TRAPPC10: variants seen among roughly 807,000 people sequenced by gnomAD.
The protein encoded by TRAPPC10 is trafficking protein particle complex subunit 10.
Under a neutral mutation model 125.5 loss-of-function variants are expected in TRAPPC10, and 23 were observed. The observed-to-expected ratio is 0.18, with a 90% CI of 0.13 to 0.26. TRAPPC10 has a LOEUF of 0.26. Among genes scored for constraint, TRAPPC10 ranks in the 10% least tolerant of loss-of-function variants. TRAPPC10 has a pLI of 1.00. For missense variants in TRAPPC10, 1,123 were observed against 1,308.4 expected (o/e 0.86, Z 2.19); for synonymous variants, 509 against 518.0 (o/e 0.98, Z 0.24).
At chr21:44,095,233 A>T (rs1005985842) in intron 20 of TRAPPC10, among the ~76,000 whole-genome samples, 1 of 146,790 alleles carries the variant, frequency 6.8e-6, no homozygotes, top group African/African-American at 2.5e-5. Context: ...ATTTTATTTT[A>T]TTTATTTATT....
chr21:44,040,213 A>G (rs748336028), intron 3 of TRAPPC10, among the ~76,000 whole-genome samples: 32 of 152,212 alleles, frequency 2.1e-4, no homozygotes, highest in Non-Finnish European at 4.4e-5. Flanking sequence ...TAAGTTTATA[A>G]GTTCCCATAT....
At chr21:44,055,098 A>C (rs1051511168) in intron 4 of TRAPPC10, among the ~76,000 whole-genome samples, 2 of 152,178 alleles carry the variant, frequency 1.3e-5, no homozygotes, top group African/African-American at 4.8e-5. Context: ...AGGCGTGATC[A>C]CATTATTTTA....
intron 3 of TRAPPC10, among the ~76,000 whole-genome samples, chr21:44,041,017 A>C (rs760355670): frequency 6.6e-6 from 1 of 152,124 alleles, no homozygotes; most frequent in Non-Finnish European, 1.5e-5. Flanking sequence ...CTATCACTTG[A>C]ATTTTATTTA....
chr21:44,070,878 T>G (rs2036817050), intron 7 of TRAPPC10, among the ~76,000 whole-genome samples: 1 of 152,190 alleles, frequency 6.6e-6, no homozygotes, highest in South Asian at 2.1e-4. Flanking sequence ...CCTGGCGCAC[T>G]TGGGCCTGGG....
At chr21:44,091,565 G>A (rs927626686) in intron 18 of TRAPPC10, among the ~76,000 whole-genome samples, 5 of 152,018 alleles carry the variant, frequency 3.3e-5, no homozygotes, top group Non-Finnish European at 5.9e-5. Context: ...TCAGCCTCCC[G>A]AGCAGCTGGG....
In TRAPPC10 at chr21:44,080,081, C is replaced by T. The variant is rs759462576; in HGVS notation, c.1677C>T (p.Phe559=). 6.2e-7 allele frequency: 1 copy of T among 1,614,206 alleles called. No homozygotes were observed. The highest frequency in any genetic ancestry group is 2.2e-5 in the East Asian group (1 of 44,888). ...TCACTGAAGAGGAGCGCAAGCACTT[C>T]TGCCAGGAGATACTTGACTTTGCCA... ...HHLTEEERKH[F]CQEILDFASQ... Residue 559 remains phenylalanine, a synonymous_variant, in exon 13 of 23, where the codon TTC becomes TTT. Coordinates refer to ENST00000291574, the MANE Select transcript of TRAPPC10 (RefSeq NM_003274.5).
At chr21:44,074,178 G>A in intron 7 of TRAPPC10, 146 bp from the exon 8 acceptor site, 1 of 894,750 alleles carries the variant, frequency 1.1e-6, no homozygotes, top group Non-Finnish European at 1.7e-6. Context: ...TCTCTCTCCT[G>A]TAGCTCTGCA....
At position 44,052,414 on chromosome 21, in the gene TRAPPC10, C is replaced by T; in HGVS notation, c.420C>T (p.Ile140=). 1 of 1,613,758 alleles carries T rather than the reference C, an allele frequency of 6.2e-7. No homozygotes were observed. Among genetic ancestry groups the T allele is most frequent in the South Asian group, 1.1e-5 (1 of 91,014 alleles). The change falls in exon 4 of 23, where the codon ATC becomes ATT. Residue 140 remains isoleucine, a synonymous_variant. Coordinates refer to ENST00000291574, the MANE Select transcript of TRAPPC10 (RefSeq NM_003274.5). ...CCAAGAAAAAAAACAAAACCAACAT[C>T]CTTCCCCGAACCTCTATTGTGGACA... The part of the protein sequence containing the change: ...NDAKKKNKTN[I]LPRTSIVDKI...
At chr21:44,070,872 G>A (rs2036816033) in intron 7 of TRAPPC10, among the ~76,000 whole-genome samples, 1 of 152,166 alleles carries the variant, frequency 6.6e-6, no homozygotes, top group East Asian at 1.9e-4. Context: ...GAGTAGCCTG[G>A]CGCACTTGGG....
intron 1 of TRAPPC10, among the ~76,000 whole-genome samples, chr21:44,013,618 C>T (rs2031446906): frequency 6.6e-6 from 1 of 152,152 alleles, no homozygotes; most frequent in East Asian, 1.9e-4. Context: ...CTGTTAGATC[C>T]CTGAGAAACT....
intron 1 of TRAPPC10, among the ~76,000 whole-genome samples, chr21:44,029,975 A>G (rs1204836189): frequency 6.6e-6 from 1 of 152,222 alleles, no homozygotes; most frequent in African/African-American, 2.4e-5. Context: ...CTTAGGTCAG[A>G]TGACACTTTT....
intron 17 of TRAPPC10, chr21:44,088,186 T>C (rs1023890646): frequency 3.8e-6 from 2 of 520,628 alleles, no homozygotes; most frequent in African/African-American, 3.8e-5. Context: ...TGTAAGAGGT[T>C]AGGGCCGGCT....
At chr21:44,091,757 C>T (rs1247940246) in intron 18 of TRAPPC10, 166 bp from the exon 19 acceptor site, 18 of 667,710 alleles carry the variant, frequency 2.7e-5, no homozygotes, top group Non-Finnish European at 7.2e-6. Context: ...TATTTTCTGG[C>T]ACTTTTCGGT....
chr21:44,080,864 CTTT>C (rs925810305), intron 13 of TRAPPC10, among the ~76,000 whole-genome samples: 3 of 134,102 alleles, frequency 2.2e-5, no homozygotes, highest in Admixed American at 7.3e-5. Flanking sequence ...TAAGATGGTG[CTTT>C]TTTTTTTTTT....
chr21:44,052,176 C>A (rs2035276657), intron 3 of TRAPPC10, 104 bp from the exon 4 acceptor site: 3 of 1,023,734 alleles, frequency 2.9e-6, no homozygotes, highest in Non-Finnish European at 4.3e-6. Context: ...TGTCCTGATG[C>A]TTTAAAACAT....
In TRAPPC10 at chr21:44,089,929, A is replaced by G; in HGVS notation, c.2866A>G (p.Thr956Ala). The stretch of plus-strand genomic sequence containing the variant: ...CACACACAGCCTCCTGTCCTCAGGA[A>G]CACGGTAACGGAGGCGTAGCGTGCG... ...RTTHSLLSSG[T>A]RKYVQVCVQN... is the part of the protein sequence containing the mutation. Residue 956 changes from threonine (T) to alanine (A), a missense_variant, in exon 18 of 23, where the codon ACA becomes GCA. By Grantham distance (58) the Thr-to-Ala change is moderately conservative. Around this residue, in one of 4 missense-constraint regions of TRAPPC10, gnomAD observed 840 missense variants for 902.0 expected, o/e 0.93. Coordinates refer to ENST00000291574, the MANE Select transcript of TRAPPC10 (RefSeq NM_003274.5). The G allele has an allele frequency of 6.2e-7, 1 of 1,612,886 alleles. No individual in the cohort carries two copies. The highest frequency in any genetic ancestry group is 8.5e-7 in the Non-Finnish European group (1 of 1,179,026).
intron 7 of TRAPPC10, among the ~76,000 whole-genome samples, chr21:44,069,700 A>G (rs2036712498): frequency 6.6e-6 from 1 of 152,182 alleles, no homozygotes; most frequent in African/African-American, 2.4e-5. Flanking sequence ...GTACACAGAG[A>G]TACCTGTGGC....
Position 44,087,611 on chromosome 21 carries a change from C to T in TRAPPC10, c.2540-88C>T. 1.7e-6 allele frequency: 2 copies of T among 1,195,628 alleles called. No individual in the cohort carries two copies. 74.1% of individuals were successfully genotyped at this position (1,195,628 alleles called of 1,614,324 possible). On this transcript the variant is annotated intron_variant, in intron 16 of 22. Transcript: ENST00000291574. This position sits in a 1 kb window ranked among gnomAD's most constrained non-coding sequence, Gnocchi z 4.6. ...GGAGCGGGAGAGGTTGAGCAGTGGC[C>T]TCACTGCTGGGCCATCACCTGCTGT...
intron 13 of TRAPPC10, among the ~76,000 whole-genome samples, chr21:44,081,352 T>C (rs1250702382): frequency 1.3e-5 from 2 of 151,830 alleles, no homozygotes; most frequent in African/African-American, 4.8e-5. Context: ...GTAGAGATGG[T>C]TTTGCCATAT....
Sources: gnomAD v4.1 joint callset for allele counts (sites outside exome capture counted in the v4.1 genomes callset) on GRCh38, gnomAD v4.1.1 for gene constraint, gnomAD v4.1.1 regional missense constraint, Gnocchi (gnomAD v3.1) non-coding constraint, MANE v1.5 for transcripts, NCBI Gene and HGNC (gene_info 2026-07-23, HGNC 2026-07-21) for gene names.